The following PPM1L variants were observed in gnomAD, a reference collection of about 807,000 sequenced individuals.
The protein encoded by PPM1L is protein phosphatase, Mg2+/Mn2+ dependent 1L.
PPM1L carries 13 observed loss-of-function variants against 31.4 expected under a neutral mutation model. The observed-to-expected ratio is 0.41, with a 90% CI of 0.27 to 0.66. PPM1L has a LOEUF of 0.66. Ranked by LOEUF, PPM1L falls within the 30% of genes least tolerant of loss-of-function variation. The probability of loss-of-function intolerance (pLI) is 0.29; values close to 1 mark genes in which losing one functional copy is unlikely to be tolerated. For missense variants in PPM1L, 326 were observed against 453.7 expected (o/e 0.72, Z 2.56); for synonymous variants, 184 against 175.4 (o/e 1.05, Z -0.39).
At chr3:160,883,617 A>G (rs1576688465) in intron 1 of PPM1L, among the ~76,000 whole-genome samples, 1 of 151,994 alleles carries the variant, frequency 6.6e-6, no homozygotes. Context: ...TATGCTGCCT[A>G]CCTCCAGTAG....
chr3:160,944,829 AAC>A (rs1559897007), intron 1 of PPM1L, among the ~76,000 whole-genome samples: 4 of 47,804 alleles, frequency 8.4e-5, no homozygotes, highest in African/African-American at 2.3e-4. Flanking sequence ...TGTTATATAT[AAC>A]ATATATATGT....
intron 1 of PPM1L, among the ~76,000 whole-genome samples, chr3:160,823,651 A>G (rs113230266): frequency 1.3e-5 from 2 of 152,138 alleles, no homozygotes; most frequent in African/African-American, 4.8e-5. Flanking sequence ...AATTGTTACC[A>G]TTTCTTAAAC....
At chr3:160,788,850 A>G (rs1315062406) in intron 1 of PPM1L, among the ~76,000 whole-genome samples, 1 of 151,708 alleles carries the variant, frequency 6.6e-6, no homozygotes, top group East Asian at 1.9e-4. Flanking sequence ...TGTAGGGTCT[A>G]TTTCTGGACT....
At chr3:161,068,726 TCACCCTGTTGCG>T in intron 3 of PPM1L, 73 bp from the exon 4 acceptor site, 1 of 1,118,124 alleles carries the variant, frequency 8.9e-7, no homozygotes, top group Non-Finnish European at 1.3e-6. Flanking sequence ...ATGAAGTAGG[TCACCCTGTTGCG>T]CACGTACCTA....
Position 160,840,019 on chromosome 3 carries a change from T to C in PPM1L, c.399+83312T>C, listed in dbSNP as rs181511934. Among the ~76,000 whole-genome samples the C allele has an allele frequency of 5.0e-3, 766 of 152,336 alleles. 14 individuals carry two copies. Among genetic ancestry groups the C allele is most frequent in the African/African-American group, 0.017 (714 of 41,580 alleles). Reference sequence around the variant, plus strand: ...GCCCCATGGAAGTGTTAATAGGATTTCAGATAATTTTGGGAAATGCTGGTT... The same window carrying C: ...GCCCCATGGAAGTGTTAATAGGATTCCAGATAATTTTGGGAAATGCTGGTT... On this transcript the variant is annotated intron_variant, in intron 1 of 3. Coordinates refer to ENST00000498165, the MANE Select transcript of PPM1L (RefSeq NM_139245.4).
chr3:160,980,696 GAA>G (rs1222364852), intron 2 of PPM1L, among the ~76,000 whole-genome samples: 1,805 of 76,254 alleles, frequency 0.024, 40 homozygotes, highest in African/African-American at 0.091. Flanking sequence ...AGGAAAGAGA[GAA>G]AGAGAGAGAA....
chr3:160,842,167 G>C (rs1713901659), intron 1 of PPM1L: 1 of 681,430 alleles, frequency 1.5e-6, no homozygotes, highest in Non-Finnish European at 2.7e-6. Context: ...TGAAATAGTT[G>C]GGGAGGACTC....
chr3:160,800,705 A>G (rs1712398834), intron 1 of PPM1L, among the ~76,000 whole-genome samples: 1 of 152,130 alleles, frequency 6.6e-6, no homozygotes, highest in Admixed American at 6.5e-5. Context: ...AAAACTCTCA[A>G]CTAAGATGCT....
At chr3:160,982,786 CA>C (rs1716842942) in intron 2 of PPM1L, among the ~76,000 whole-genome samples, 1 of 152,134 alleles carries the variant, frequency 6.6e-6, no homozygotes, top group Admixed American at 6.5e-5. Flanking sequence ...ACCAAATCTC[CA>C]CCTCTGATTC....
chr3:160,793,277 T>C (rs761090628), intron 1 of PPM1L, among the ~76,000 whole-genome samples: 4 of 152,182 alleles, frequency 2.6e-5, no homozygotes, highest in Non-Finnish European at 5.9e-5. Context: ...ACTTATATAT[T>C]ATTAAAAATC....
intron 1 of PPM1L, among the ~76,000 whole-genome samples, chr3:160,854,407 A>G (rs1309281101): frequency 6.6e-6 from 1 of 152,194 alleles, no homozygotes; most frequent in African/African-American, 2.4e-5. Context: ...TCTGGGTGCC[A>G]CAAAGGGCAT....
intron 1 of PPM1L, among the ~76,000 whole-genome samples, chr3:160,759,603 C>G (rs79362253): frequency 0.033 from 5,038 of 152,202 alleles, 123 homozygotes; most frequent in Middle Eastern, 0.12. Context: ...AATATAACCC[C>G]TATCCTCAAA....
intron 1 of PPM1L, among the ~76,000 whole-genome samples, chr3:160,874,062 C>G (rs558473557): frequency 6.6e-6 from 1 of 152,124 alleles, no homozygotes; most frequent in African/African-American, 2.4e-5. Flanking sequence ...CTGTTTTTAT[C>G]TGGCATGAAT....
intron 1 of PPM1L, among the ~76,000 whole-genome samples, chr3:160,903,626 G>T (rs1713639810): frequency 6.6e-6 from 1 of 152,014 alleles, no homozygotes; most frequent in South Asian, 2.1e-4. Flanking sequence ...TTTAAAGATG[G>T]TATTTTCTAT....
chr3:160,878,134 C>T (rs1176265174), intron 1 of PPM1L, among the ~76,000 whole-genome samples: 1 of 152,230 alleles, frequency 6.6e-6, no homozygotes, highest in Non-Finnish European at 1.5e-5. Flanking sequence ...CTCCACCCTG[C>T]AGGCCATCAC....
At chr3:160,808,408 T>TGCGCGC (rs1553808353) in intron 1 of PPM1L, among the ~76,000 whole-genome samples, 1 of 135,548 alleles carries the variant, frequency 7.4e-6, no homozygotes, top group African/African-American at 3.0e-5. Context: ...TGTGTGTGTG[T>TGCGCGC]GTGTGTGTGT....
At chr3:160,834,106 C>T (rs1327806265) in intron 1 of PPM1L, among the ~76,000 whole-genome samples, 1 of 150,294 alleles carries the variant, frequency 6.7e-6, no homozygotes, top group African/African-American at 2.5e-5. Context: ...TCACTGCAAG[C>T]TCCGCCTCCT....
At chr3:160,975,836 T>C (rs1301026822) in intron 2 of PPM1L, among the ~76,000 whole-genome samples, 3 of 149,650 alleles carry the variant, frequency 2.0e-5, no homozygotes, top group Non-Finnish European at 4.5e-5. Flanking sequence ...CAATTTGACT[T>C]CCTCTTTTCC....
chr3:160,989,377 T>C (rs1472409729), intron 2 of PPM1L, among the ~76,000 whole-genome samples: 1 of 151,864 alleles, frequency 6.6e-6, no homozygotes, highest in Non-Finnish European at 1.5e-5. Context: ...ATAACGATTA[T>C]TTTATTTATT....
Sources: gnomAD v4.1 joint callset for allele counts (sites outside exome capture counted in the v4.1 genomes callset) on GRCh38, gnomAD v4.1.1 for gene constraint, MANE v1.5 for transcripts, NCBI Gene and HGNC (gene_info 2026-07-23, HGNC 2026-07-21) for gene names.